MADD: variants seen among roughly 807,000 people sequenced by gnomAD.
The protein encoded by MADD is MAP kinase-activating death domain protein.
A neutral mutation model predicts 176.7 loss-of-function variants in MADD; 109 were observed. That is an observed-to-expected ratio of 0.62 (90% CI 0.53 to 0.72). MADD has a LOEUF of 0.72. Among genes scored for constraint, MADD ranks in the 30% least tolerant of loss-of-function variants. The pLI is 0.00. For missense variants in MADD, 1,914 were observed against 2,045.5 expected (o/e 0.94, Z 1.24); for synonymous variants, 771 against 771.3 (o/e 1.00, Z 0.01).
chr11:47,280,551 TA>T (rs2055523806), intron 7 of MADD, among the ~76,000 whole-genome samples: 2 of 152,028 alleles, frequency 1.3e-5, no homozygotes, highest in African/African-American at 4.8e-5. Flanking sequence ...TATATTTAAT[TA>T]AATTAATTAA....
In MADD at chr11:47,315,469, T is replaced by G. The variant is rs2092486158; in HGVS notation, c.4197+142T>G. The G allele has an allele frequency of 5.5e-6, 3 of 545,080 alleles. No individual in the cohort carries two copies. In the South Asian group the frequency reaches 6.9e-5, roughly 13 times the overall value. 33.8% of individuals were successfully genotyped at this position (545,080 alleles called of 1,614,324 possible). On this transcript the variant is annotated intron_variant, in intron 27 of 32. Transcript: ENST00000402192. Reference sequence around the variant, plus strand: ...CATTAAATTATCAGATTGGTTTTTTTGTTTTTTGCGTGTGTGTTTTTTTGA... The same window carrying G: ...CATTAAATTATCAGATTGGTTTTTTGGTTTTTTGCGTGTGTGTTTTTTTGA...
intron 15 of MADD, among the ~76,000 whole-genome samples, chr11:47,287,881 C>A (rs945453773): frequency 2.0e-5 from 3 of 151,142 alleles, no homozygotes; most frequent in Non-Finnish European, 4.4e-5. Flanking sequence ...AGCTCCGCCT[C>A]CCGGGTTCAC....
chr11:47,326,856 C>G, intron 31 of MADD, 49 bp downstream of exon 35: 1 of 1,611,214 alleles, frequency 6.2e-7, no homozygotes, highest in Non-Finnish European at 8.5e-7. Flanking sequence ...GGCAGTAACT[C>G]AAACCTCGGA....
At chr11:47,309,433 C>G (rs200540425) in intron 24 of MADD, 32 bp downstream of exon 27, 338 of 1,613,882 alleles carry the variant, frequency 2.1e-4, no homozygotes, top group Non-Finnish European at 2.7e-4. Flanking sequence ...TGGGAATCAG[C>G]AAACTCAGCC....
chr11:47,327,725 C>T lies in MADD; in HGVS notation c.4612+918C>T, dbSNP rs577873942. The T allele has an allele frequency of 4.1e-6, 4 of 985,410 alleles. No homozygotes were observed. In the African/African-American group the frequency reaches 7.0e-5, roughly 17 times the overall value. 61.0% of individuals were successfully genotyped at this position (985,410 alleles called of 1,614,324 possible). On this transcript the variant is annotated intron_variant, in intron 31 of 32. Transcript: ENST00000402192. Reference sequence around the variant, plus strand: ...TTGCTCTACCTTTGATGAGTTTATTCCCTGCTGACCCTGGGTTCCCCCAAA... The same window carrying T: ...TTGCTCTACCTTTGATGAGTTTATTTCCTGCTGACCCTGGGTTCCCCCAAA...
intron 27 of MADD, 99 bp downstream of exon 30, chr11:47,315,426 T>G: frequency 1.5e-6 from 1 of 653,880 alleles, no homozygotes; most frequent in Non-Finnish European, 2.7e-6. Flanking sequence ...ATCTCATTCA[T>G]CTTCATGATC....
At chr11:47,324,764 G>A (rs915392970) in intron 30 of MADD, 187 bp downstream of exon 33, 18 of 702,374 alleles carry the variant, frequency 2.6e-5, no homozygotes, top group East Asian at 5.4e-5. Context: ...ACCACCTGGC[G>A]CTGTGAAGGT....
chr11:47,284,596 C>T (rs2059319927), intron 12 of MADD, 31 bp downstream of exon 12: 3 of 1,605,908 alleles, frequency 1.9e-6, no homozygotes, highest in Non-Finnish European at 2.6e-6. Flanking sequence ...GAGTGAGAAC[C>T]ATGGCCTGGG....
chr11:47,323,898 C>T lies in MADD; in HGVS notation c.4362+63C>T, dbSNP rs143584040. On this transcript the variant is annotated intron_variant, in intron 28 of 32. Coordinates refer to ENST00000402192, the Ensembl canonical transcript of MADD. ...ATTGAAGACCAAATAGTGAATTTCT[C>T]TTTGGGAAGTTAAAATTCCAAAACA... The T allele has an allele frequency of 1.9e-6, 3 of 1,549,448 alleles. No individual in the cohort carries two copies. The Admixed American group carries it at 5.3e-5, about 27-fold the overall frequency.
At chr11:47,324,436 C>A (rs2095133722) in intron 29 of MADD, 35 bp from the exon 33 acceptor site, 2 of 1,601,272 alleles carry the variant, frequency 1.2e-6, no homozygotes, top group Non-Finnish European at 1.7e-6. Context: ...TTCCCCACCT[C>A]ACCAGTGAGC....
chr11:47,320,814 G>T (rs914388715), intron 27 of MADD, among the ~76,000 whole-genome samples: 1 of 152,032 alleles, frequency 6.6e-6, no homozygotes, highest in African/African-American at 2.4e-5. Flanking sequence ...CCTAGCTACT[G>T]GGGAGGCTAA....
chr11:47,284,928 A>G lies in MADD; in HGVS notation c.2158-13A>G. 6.2e-7 allele frequency: 1 copy of G among 1,613,112 alleles called. No homozygotes were observed. ...GCACCAGGTAACCACTTTTAATTTC[A>G]TGCGGCCTTTAGGAACCTGCTGACT... On this transcript the variant is annotated splice_polypyrimidine_tract_variant and intron_variant, in intron 12 of 32. Transcript: ENST00000402192.
chr11:47,316,032 A>C (rs1383899321), intron 27 of MADD, among the ~76,000 whole-genome samples: 1 of 148,844 alleles, frequency 6.7e-6, no homozygotes, highest in African/African-American at 2.5e-5. Context: ...GGGTTTCACC[A>C]TGTTCGTTGG....
At chr11:47,285,540 C>G (rs2059997154) in exon 14 of MADD, 4 of 1,614,084 alleles carry the variant, frequency 2.5e-6, no homozygotes, top group Non-Finnish European at 3.4e-6. Flanking sequence ...CCCAACTCCA[C>G]CGTCTCCAAC....
chr11:47,324,297 C>T (rs953278116), exon 29 of MADD: 2 of 1,614,226 alleles, frequency 1.2e-6, no homozygotes, highest in South Asian at 2.2e-5. Context: ...TGAAGGACAG[C>T]ATGGAGCGCG....
intron 25 of MADD, among the ~76,000 whole-genome samples, chr11:47,310,038 C>T (rs2086897832): frequency 6.6e-6 from 1 of 151,904 alleles, no homozygotes; most frequent in Non-Finnish European, 1.5e-5. Context: ...GACAGGGTTT[C>T]ACCATGTTGG....
intron 22 of MADD, among the ~76,000 whole-genome samples, chr11:47,300,598 A>G (rs1308881235): frequency 6.6e-6 from 1 of 152,034 alleles, no homozygotes; most frequent in African/African-American, 2.4e-5. Context: ...CCCAGGTTCA[A>G]GCAATTCTCA....
At position 47,308,583 on chromosome 11, in the gene MADD, C is replaced by T. The variant is rs770211288; in HGVS notation, c.3643-8C>T. ...TCTGGCCACTGACCTATCACCTCTT[C>T]TCTCTAGGGTAAAGCCCACAGCTTG... On this transcript the variant is annotated splice_polypyrimidine_tract_variant and splice_region_variant and intron_variant, in intron 22 of 32. Transcript: ENST00000402192. The T allele has an allele frequency of 2.6e-5, 42 of 1,611,680 alleles. No individual in the cohort carries two copies. The highest frequency in any genetic ancestry group is 3.4e-5 in the Non-Finnish European group (40 of 1,178,182).
chr11:47,271,407 A>C (rs752928069), intron 1 of MADD, among the ~76,000 whole-genome samples: 1 of 152,206 alleles, frequency 6.6e-6, no homozygotes, highest in African/African-American at 2.4e-5. Context: ...CTCTGGCTAA[A>C]AATTTATCCT....
Sources: allele counts gnomAD v4.1 joint callset (sites outside exome capture counted in the v4.1 genomes callset), GRCh38; gene constraint gnomAD v4.1.1; transcripts MANE v1.5; gene names NCBI Gene and HGNC (gene_info 2026-07-23, HGNC 2026-07-21).